Variants in PRKCH observed in about 807,000 individuals in gnomAD.
PRKCH encodes the protein protein kinase C eta type.
In PRKCH, 28 loss-of-function variants were observed where a neutral mutation model predicts 82.5. The observed-to-expected ratio is 0.34, with a 90% CI of 0.25 to 0.47. The LOEUF is 0.47. PRKCH is among the 20% of genes least tolerant of loss of function. The probability of loss-of-function intolerance (pLI) is 1.00; values close to 1 mark genes in which losing one functional copy is unlikely to be tolerated. For missense variants in PRKCH, 705 were observed against 881.8 expected, an observed-to-expected ratio of 0.80 and a Z score of 2.54; for synonymous variants, 322 against 327.4, an observed-to-expected ratio of 0.98 and a Z score of 0.18.
intron 12 of PRKCH, among the ~76,000 whole-genome samples, chr14:61,531,582 A>G (rs2043044438): frequency 1.3e-5 from 2 of 152,204 alleles, no homozygotes; most frequent in African/African-American, 4.8e-5. Context: ...ACTGGGGCTG[A>G]AGGCTTGATT....
rs561160877 is a variant in PRKCH, at chr14:61,238,983, A to G, written c.-19+51315A>G. 7.9e-5 allele frequency among the ~76,000 whole-genome samples: 12 copies of G among 152,340 alleles called. No homozygotes were observed. The South Asian group carries it at 2.5e-3, about 32-fold the overall frequency. ...ATAAAGCTGGTCCCACATGGCTTGC[A>G]TATGAAGCATATTAGCTGCTGTAAC... On this transcript the variant is annotated intron_variant, in intron 1 of 3. Transcript: ENST00000555185.
intron 1 of PRKCH, among the ~76,000 whole-genome samples, chr14:61,270,150 T>C (rs2045139416): frequency 6.6e-6 from 1 of 152,178 alleles, no homozygotes; most frequent in African/African-American, 2.4e-5. Context: ...TTAGATTGCA[T>C]GGCCTCCCGC....
chr14:61,324,202 G>A (rs569827475), intron 1 of PRKCH, among the ~76,000 whole-genome samples: 3 of 152,220 alleles, frequency 2.0e-5, no homozygotes, highest in Admixed American at 2.0e-4. Flanking sequence ...GGTGTCATAA[G>A]TGTAGGAAGA....
chr14:61,296,281 G>T (rs1040910907), intron 1 of PRKCH, among the ~76,000 whole-genome samples: 8 of 152,130 alleles, frequency 5.3e-5, no homozygotes, highest in Non-Finnish European at 1.2e-4. Flanking sequence ...TCTTGAAGAG[G>T]TCACAGAGCT....
intron 12 of PRKCH, among the ~76,000 whole-genome samples, chr14:61,537,132 A>G (rs369767939): frequency 4.6e-5 from 7 of 152,184 alleles, no homozygotes; most frequent in East Asian, 3.9e-4. Flanking sequence ...TGGGAAGACT[A>G]TTTTTCTTGC....
At chr14:61,188,411 T>TGGCTCC (rs2044379990) in intron 1 of PRKCH, among the ~76,000 whole-genome samples, 2 of 150,678 alleles carry the variant, frequency 1.3e-5, no homozygotes, top group South Asian at 4.1e-4. Flanking sequence ...CAGGCAGTTC[T>TGGCTCC]GGCTCCGGCT....
At chr14:61,369,418 T>G (rs116889614) in intron 1 of PRKCH, among the ~76,000 whole-genome samples, 1,831 of 152,228 alleles carry the variant, frequency 0.012, 27 homozygotes, top group Non-Finnish European at 0.017. Flanking sequence ...TTCATTAGGG[T>G]TTATCGTGAA....
chr14:61,379,371 A>G (rs1195704130), intron 1 of PRKCH, among the ~76,000 whole-genome samples: 2 of 152,176 alleles, frequency 1.3e-5, no homozygotes, highest in Non-Finnish European at 2.9e-5. Flanking sequence ...GGCTTCATCT[A>G]TTTTCTAATG....
In PRKCH at chr14:61,486,790, AG is replaced by A. The variant is rs1435651125; in HGVS notation, c.1433+1136del. Reference sequence around the variant, plus strand: ...TGGCCTCCTAAAGTGCTAGGATTACAGGCATGAGTCACCACACCCAGCTCAC... The same window carrying A: ...TGGCCTCCTAAAGTGCTAGGATTACAGCATGAGTCACCACACCCAGCTCAC... On this transcript the variant is annotated intron_variant, in intron 10 of 13. Coordinates refer to ENST00000332981, the MANE Select transcript of PRKCH (RefSeq NM_006255.5). Among the ~76,000 whole-genome samples the A allele has an allele frequency of 5.7e-4, 87 of 152,112 alleles. 1 individual carries two copies. Among genetic ancestry groups the A allele is most frequent in the Non-Finnish European group, 8.7e-4 (59 of 68,004 alleles).
intron 2 of PRKCH, among the ~76,000 whole-genome samples, chr14:61,439,142 AAGCCCTGGTTGATTTAAGCACCAT>A (rs1455465836): frequency 4.6e-5 from 7 of 152,240 alleles, no homozygotes; most frequent in African/African-American, 1.7e-4. Context: ...AGATTTCTCA[AAGCCCTGGTTGATTTAAGCACCAT>A]AGTATTCAAT....
At chr14:61,321,002 A>G (rs1009140108), upstream of PRKCH, among the ~76,000 whole-genome samples, 3 of 152,214 alleles carry the variant, frequency 2.0e-5, no homozygotes, top group African/African-American at 7.2e-5. The surrounding 1 kb of genome is among the most constrained non-coding windows in gnomAD (Gnocchi z 4.1). Context: ...CTTCCGAGGA[A>G]GGAGGCGAAC....
chr14:61,330,954 T>TTA (rs1284025298), intron 1 of PRKCH, among the ~76,000 whole-genome samples: 1 of 12,732 alleles, frequency 7.9e-5, no homozygotes, highest in African/African-American at 8.8e-5. Flanking sequence ...GCTGATGAGC[T>TTA]CAAAAAAAAT....
At chr14:61,435,102 A>G (rs1170777844) in intron 2 of PRKCH, among the ~76,000 whole-genome samples, 1 of 152,192 alleles carries the variant, frequency 6.6e-6, no homozygotes, top group Non-Finnish European at 1.5e-5. Context: ...TCACCCGCTG[A>G]GGGTGTTCAA....
At chr14:61,218,400 A>G (rs1006924745) in intron 1 of PRKCH, among the ~76,000 whole-genome samples, 2 of 152,172 alleles carry the variant, frequency 1.3e-5, no homozygotes, top group African/African-American at 4.8e-5. Flanking sequence ...TTCTCACCTT[A>G]TAGGTTTAGT....
rs1035495705 is a variant in PRKCH at position 61,194,939 on chromosome 14, G to A, written c.-19+7271G>A. ...AGTCGAGACAGGGTTTCACCATGTC[G>A]GCCAGGCTGGTCTCGAACTCCTGAC... On this transcript the variant is annotated intron_variant, in intron 1 of 3. Coordinates refer to the PRKCH transcript ENST00000555185. Among the ~76,000 whole-genome samples the A allele has an allele frequency of 1.6e-4, 24 of 152,192 alleles. 1 individual carries two copies. Among genetic ancestry groups the A allele is most frequent in the African/African-American group, 2.2e-4 (9 of 41,538 alleles).
intron 1 of PRKCH, among the ~76,000 whole-genome samples, chr14:61,204,349 G>A (rs1247477151): frequency 6.6e-6 from 1 of 152,114 alleles, no homozygotes; most frequent in Admixed American, 6.6e-5. Flanking sequence ...AGGAAATTGA[G>A]GGATAGAAAG....
intron 2 of PRKCH, among the ~76,000 whole-genome samples, chr14:61,424,758 A>T (rs560089929): frequency 6.6e-6 from 1 of 152,352 alleles, no homozygotes; most frequent in East Asian, 1.9e-4. Flanking sequence ...TTCCTAGGGC[A>T]TGTGAAGGAC....
intron 1 of PRKCH, among the ~76,000 whole-genome samples, chr14:61,284,757 A>G (rs1486594119): frequency 1.3e-5 from 2 of 152,232 alleles, no homozygotes; most frequent in African/African-American, 4.8e-5. Context: ...TATCAGTGTT[A>G]TTAAGAACTC....
rs913996235 is a variant in PRKCH, at chr14:61,428,096, C to T, written c.428-15015C>T. Among the ~76,000 whole-genome samples, 307 of 105,460 alleles carry T rather than the reference C, an allele frequency of 2.9e-3. 1 individual carries two copies. Among genetic ancestry groups the T allele is most frequent in the African/African-American group, 0.011 (300 of 27,456 alleles). The allele number at this position is 105,460 out of a possible 152,430, so 69.2% of individuals were successfully genotyped here. A position where few individuals can be genotyped will look rare whatever the true frequency, so the allele number is the denominator to read the frequency against. On this transcript the variant is annotated intron_variant, in intron 2 of 13. Coordinates refer to ENST00000332981, the MANE Select transcript of PRKCH (RefSeq NM_006255.5). ...ATAGATACACACACACACACACACA[C>T]ATATATATATACACACATATATATA... is the stretch of plus-strand genomic sequence containing the variant.
Sources: allele counts gnomAD v4.1 joint callset (sites outside exome capture counted in the v4.1 genomes callset), GRCh38; gene constraint gnomAD v4.1.1; non-coding constraint Gnocchi (gnomAD v3.1); transcripts MANE v1.5; gene names NCBI Gene and HGNC (gene_info 2026-07-23, HGNC 2026-07-21).